The following SLC8A1 variants were observed in gnomAD, a reference collection of about 807,000 sequenced individuals.
SLC8A1 encodes the protein sodium/calcium exchanger 1.
A neutral mutation model predicts 68.3 loss-of-function variants in SLC8A1; 18 were observed. The ratio of observed to expected loss-of-function variants is 0.26; its 90% CI spans 0.18 to 0.39. The LOEUF is 0.39. SLC8A1 is among the 10% of genes least tolerant of loss of function. The pLI, the probability that SLC8A1 is intolerant of heterozygous loss-of-function variation, is 1.00. For synonymous variants in SLC8A1, 475 were observed against 415.5 expected, an observed-to-expected ratio of 1.14 and a Z score of -1.74; for missense variants, 985 against 1,156.7, an observed-to-expected ratio of 0.85 and a Z score of 2.15.
intron 2 of SLC8A1, among the ~76,000 whole-genome samples, chr2:40,370,153 G>A (rs1677579117): frequency 6.6e-6 from 1 of 152,086 alleles, no homozygotes; most frequent in African/African-American, 2.4e-5. Context: ...TAAAATTAAG[G>A]AAAAAGGTCT....
intron 2 of SLC8A1, among the ~76,000 whole-genome samples, chr2:40,318,017 G>A (rs562514637): frequency 6.6e-6 from 1 of 152,118 alleles, no homozygotes; most frequent in Non-Finnish European, 1.5e-5. Context: ...TATAACAAGA[G>A]ACCAGTGCAA....
chr2:40,128,655 C>T (rs1403379757), intron 7 of SLC8A1, among the ~76,000 whole-genome samples: 1 of 152,104 alleles, frequency 6.6e-6, no homozygotes, highest in Non-Finnish European at 1.5e-5. Flanking sequence ...ATTGTGTGAT[C>T]CCCACCCCCA....
chr2:40,098,062 T>C (rs1388703316), exon 8 of SLC8A1: 2 of 152,044 alleles, frequency 1.3e-5, no homozygotes, highest in Non-Finnish European at 2.9e-5. Context: ...ATTTTAAAAA[T>C]ACATTTTATA....
chr2:40,379,390 T>A (rs1006106916), intron 2 of SLC8A1, among the ~76,000 whole-genome samples: 17 of 152,144 alleles, frequency 1.1e-4, no homozygotes, highest in Admixed American at 7.9e-4. Flanking sequence ...ATTTTTCATA[T>A]GATTTTTGTT....
At chr2:40,257,020 A>G (rs913526627) in intron 2 of SLC8A1, among the ~76,000 whole-genome samples, 2 of 314 alleles carry the variant, frequency 6.4e-3, no homozygotes, top group African/African-American at 7.3e-3. Context: ...AAGTAAGTAA[A>G]TAAATAAATA....
At position 40,469,294 on chromosome 2, in the gene SLC8A1, G is replaced by A. The variant is rs564050710; in HGVS notation, c.-24-38990C>T. On this transcript the variant is annotated intron_variant, in intron 1 of 7. Coordinates refer to the SLC8A1 transcript ENST00000402441. ...GTGGGAGGTGATTGGATTATGGGGT[G>A]AATTTCCCCATACTGCTGTCATGAT... Among the ~76,000 whole-genome samples the A allele has an allele frequency of 2.6e-5, 4 of 152,206 alleles. No homozygotes were observed. In the East Asian group the frequency reaches 7.7e-4, roughly 29 times the overall value.
chr2:40,460,862 C>T (rs967604942), intron 1 of SLC8A1, among the ~76,000 whole-genome samples: 8 of 112,560 alleles, frequency 7.1e-5, no homozygotes, highest in East Asian at 2.0e-4. Flanking sequence ...CGTGAGCCAC[C>T]GCACCTGACT....
chr2:40,457,399 C>T (rs1013870711), intron 1 of SLC8A1, among the ~76,000 whole-genome samples: 3 of 152,168 alleles, frequency 2.0e-5, no homozygotes, highest in African/African-American at 7.2e-5. Flanking sequence ...ATATCTCCCT[C>T]GCTGTATCTT....
At chr2:40,140,898 G>A (rs1422437817) in intron 6 of SLC8A1, among the ~76,000 whole-genome samples, 3 of 152,134 alleles carry the variant, frequency 2.0e-5, no homozygotes, top group Non-Finnish European at 4.4e-5. Flanking sequence ...AATGCACAAA[G>A]CATGCTATTT....
intron 2 of SLC8A1, among the ~76,000 whole-genome samples, chr2:40,257,090 T>C (rs2064049469): frequency 6.6e-6 from 1 of 152,206 alleles, no homozygotes; most frequent in Admixed American, 6.5e-5. Context: ...TCTGTGTATT[T>C]ATTACATCTT....
intron 7 of SLC8A1, among the ~76,000 whole-genome samples, chr2:40,134,890 A>T (rs2148242368): frequency 6.6e-6 from 1 of 152,380 alleles, no homozygotes. Flanking sequence ...AAACTAAAAA[A>T]ATCCAGAATG....
exon 8 of SLC8A1, chr2:40,109,549 T>G (rs997741667): frequency 1.3e-5 from 2 of 152,198 alleles, no homozygotes; most frequent in South Asian, 2.1e-4. Flanking sequence ...TGGAATGTCA[T>G]TATATTTGAT....
chr2:40,236,143 C>T (rs562249995), intron 2 of SLC8A1, among the ~76,000 whole-genome samples: 7 of 151,942 alleles, frequency 4.6e-5, no homozygotes, highest in Admixed American at 1.3e-4. Context: ...GAGTTCAATT[C>T]CTGGGTATCC....
chr2:40,347,516 T>A (rs75603827), intron 2 of SLC8A1, among the ~76,000 whole-genome samples: 11,148 of 152,258 alleles, frequency 0.073, 576 homozygotes, highest in South Asian at 0.17. Flanking sequence ...TACTGAGTTA[T>A]CCTCTCTGAC....
chr2:40,469,257 A>T (rs148916225), intron 1 of SLC8A1, among the ~76,000 whole-genome samples: 25 of 152,188 alleles, frequency 1.6e-4, no homozygotes, highest in African/African-American at 6.0e-4. Context: ...TACATGTTGG[A>T]GGAGAGGCCT....
intron 2 of SLC8A1, among the ~76,000 whole-genome samples, chr2:40,187,589 C>T (rs530531982): frequency 2.4e-4 from 37 of 152,142 alleles, no homozygotes; most frequent in Non-Finnish European, 4.6e-4. Flanking sequence ...TTAATGGCAA[C>T]CAGTTCATTT....
At chr2:40,429,729 T>C in exon 2 of SLC8A1, 1 of 1,613,714 alleles carries the variant, frequency 6.2e-7, no homozygotes, top group East Asian at 2.2e-5. Context: ...AAACACAGAG[T>C]GCAATAATGA....
At chr2:40,343,217 T>C (rs920745193) in intron 2 of SLC8A1, among the ~76,000 whole-genome samples, 1 of 152,168 alleles carries the variant, frequency 6.6e-6, no homozygotes, top group Non-Finnish European at 1.5e-5. Flanking sequence ...GAATACCTCT[T>C]TTAAACTCTG....
chr2:40,352,761 G>A (rs1490094555), intron 2 of SLC8A1, among the ~76,000 whole-genome samples: 7 of 152,170 alleles, frequency 4.6e-5, no homozygotes, highest in Non-Finnish European at 1.5e-5. Context: ...CGAACAAGTT[G>A]ACTGCTTTCA....
Sources: allele counts gnomAD v4.1 joint callset (sites outside exome capture counted in the v4.1 genomes callset), GRCh38; gene constraint gnomAD v4.1.1; transcripts MANE v1.5; gene names NCBI Gene and HGNC (gene_info 2026-07-23, HGNC 2026-07-21).